The following NKAIN2 variants were observed in gnomAD, a reference collection of about 807,000 sequenced individuals.
NKAIN2 encodes the protein sodium/potassium-transporting ATPase subunit beta-1-interacting protein 2.
NKAIN2 carries 14 observed loss-of-function variants against 32.6 expected under a neutral mutation model. That is an observed-to-expected ratio of 0.43 (90% CI 0.28 to 0.67). The LOEUF is 0.67. Ranked by LOEUF, NKAIN2 falls within the 30% of genes least tolerant of loss-of-function variation. NKAIN2 has a pLI of 0.17. For synonymous variants in NKAIN2, 80 were observed against 87.2 expected (o/e 0.92, Z 0.46); for missense variants, 198 against 258.3 (o/e 0.77, Z 1.60).
intron 3 of NKAIN2, among the ~76,000 whole-genome samples, chr6:124,421,402 A>T (rs1774743342): frequency 6.6e-6 from 1 of 152,178 alleles, no homozygotes; most frequent in Non-Finnish European, 1.5e-5. Flanking sequence ...GTTACCCAGA[A>T]CCTATCCATA....
intron 3 of NKAIN2, among the ~76,000 whole-genome samples, chr6:124,579,529 G>T (rs1198997090): frequency 6.6e-6 from 1 of 152,122 alleles, no homozygotes; most frequent in Admixed American, 6.5e-5. Context: ...TTGAAGACAG[G>T]CTATTTGAAA....
At chr6:123,853,450 C>T (rs1347118301) in intron 1 of NKAIN2, among the ~76,000 whole-genome samples, 5 of 152,120 alleles carry the variant, frequency 3.3e-5, no homozygotes, top group Admixed American at 2.6e-4. Flanking sequence ...CCTGACATTT[C>T]GGTCATTCAT....
intron 3 of NKAIN2, among the ~76,000 whole-genome samples, chr6:124,485,550 A>C (rs1433557514): frequency 6.6e-6 from 1 of 152,116 alleles, no homozygotes; most frequent in African/African-American, 2.4e-5. Context: ...TATTATATAA[A>C]ATATAACATG....
chr6:124,344,698 G>T (rs900221418), intron 2 of NKAIN2, among the ~76,000 whole-genome samples: 42 of 152,180 alleles, frequency 2.8e-4, no homozygotes, highest in African/African-American at 9.9e-4. Flanking sequence ...CTGAGACTTT[G>T]CTGAAGTTGC....
intron 1 of NKAIN2, among the ~76,000 whole-genome samples, chr6:123,888,107 TTAAAA>T (rs1773815046): frequency 6.6e-6 from 1 of 152,136 alleles, no homozygotes; most frequent in Admixed American, 6.6e-5. Flanking sequence ...TAAATGCTCT[TTAAAA>T]TATAAATATC....
At chr6:123,882,795 GA>G (rs1405831215) in intron 1 of NKAIN2, among the ~76,000 whole-genome samples, 1 of 151,898 alleles carries the variant, frequency 6.6e-6, no homozygotes, top group East Asian at 1.9e-4. Flanking sequence ...TATAAAAGTT[GA>G]AATGAAAAGA....
intron 1 of NKAIN2, among the ~76,000 whole-genome samples, chr6:123,936,199 G>T (rs780026442): frequency 2.0e-5 from 3 of 152,150 alleles, no homozygotes; most frequent in Non-Finnish European, 2.9e-5. Flanking sequence ...TCTGAGCATT[G>T]TGCATCGCAC....
chr6:124,400,767 T>C (rs1773591597), intron 3 of NKAIN2, among the ~76,000 whole-genome samples: 1 of 152,232 alleles, frequency 6.6e-6, no homozygotes, highest in Non-Finnish European at 1.5e-5. Flanking sequence ...AAGCAAATTC[T>C]TGTGTAAACA....
intron 1 of NKAIN2, among the ~76,000 whole-genome samples, chr6:124,059,382 A>G (rs562341093): frequency 3.3e-4 from 50 of 152,162 alleles, no homozygotes; most frequent in Non-Finnish European, 6.3e-4. Context: ...CTATCTTAGG[A>G]CCTTTGCAAG....
chr6:124,042,582 C>G (rs1317888095), intron 1 of NKAIN2, among the ~76,000 whole-genome samples: 1 of 152,072 alleles, frequency 6.6e-6, no homozygotes, highest in Non-Finnish European at 1.5e-5. Flanking sequence ...CTGCCCATGC[C>G]TGCAAATTTT....
At chr6:123,849,980 T>TA (rs1775261807) in intron 1 of NKAIN2, among the ~76,000 whole-genome samples, 1 of 140,194 alleles carries the variant, frequency 7.1e-6, no homozygotes, top group Non-Finnish European at 1.6e-5. Context: ...GTTTTTTTTT[T>TA]AACTTTCTGT....
chr6:123,967,406 T>C (rs1778133524), intron 1 of NKAIN2, among the ~76,000 whole-genome samples: 1 of 152,254 alleles, frequency 6.6e-6, no homozygotes, highest in African/African-American at 2.4e-5. Context: ...AGCCAGCTAA[T>C]AATGTGCTGA....
intron 3 of NKAIN2, among the ~76,000 whole-genome samples, chr6:124,494,025 C>T (rs1287466232): frequency 6.6e-6 from 1 of 152,076 alleles, no homozygotes; most frequent in Non-Finnish European, 1.5e-5. Flanking sequence ...CTGTCTCAGA[C>T]TCTGCTTTCA....
chr6:124,436,950 G>A (rs1775473729), intron 3 of NKAIN2, among the ~76,000 whole-genome samples: 1 of 152,026 alleles, frequency 6.6e-6, no homozygotes, highest in Non-Finnish European at 1.5e-5. Flanking sequence ...TCTTCGCTCT[G>A]CTTTTAGCCA....
intron 4 of NKAIN2, among the ~76,000 whole-genome samples, chr6:124,709,293 A>C (rs975153037): frequency 2.0e-5 from 3 of 148,716 alleles, no homozygotes; most frequent in Admixed American, 6.7e-5. Context: ...TATTGGTCTA[A>C]AATTCTCTTT....
At chr6:124,763,905 A>G (rs558889785) in intron 4 of NKAIN2, among the ~76,000 whole-genome samples, 2 of 152,326 alleles carry the variant, frequency 1.3e-5, no homozygotes, top group Admixed American at 1.3e-4. Context: ...CAAATGTTTC[A>G]ACATTTCCTA....
chr6:124,402,431 T>C (rs1369593228), intron 3 of NKAIN2, among the ~76,000 whole-genome samples: 2 of 152,236 alleles, frequency 1.3e-5, no homozygotes, highest in African/African-American at 4.8e-5. Context: ...TGTTCCTATA[T>C]ACAAAGTTCT....
At chr6:124,821,792 T>G (rs1781404443) in intron 6 of NKAIN2, among the ~76,000 whole-genome samples, 1 of 152,142 alleles carries the variant, frequency 6.6e-6, no homozygotes, top group African/African-American at 2.4e-5. Flanking sequence ...GTCAAAATAC[T>G]CCAATCATTC....
intron 1 of NKAIN2, among the ~76,000 whole-genome samples, chr6:124,140,030 C>T (rs769864633): frequency 5.9e-5 from 9 of 152,086 alleles, no homozygotes; most frequent in East Asian, 3.8e-4. Flanking sequence ...TGAGCTTCAG[C>T]GAACACAAGT....
Sources: gnomAD v4.1 joint callset for allele counts (sites outside exome capture counted in the v4.1 genomes callset) on GRCh38, gnomAD v4.1.1 for gene constraint, MANE v1.5 for transcripts, NCBI Gene and HGNC (gene_info 2026-07-23, HGNC 2026-07-21) for gene names.